The following NWD2 variants were observed in gnomAD, a reference collection of about 807,000 sequenced individuals.
NWD2 encodes the protein NACHT and WD repeat domain containing 2.
In NWD2, 37 loss-of-function variants were observed where a neutral mutation model predicts 132.7. That is an observed-to-expected ratio of 0.28 (90% confidence interval 0.21 to 0.37). NWD2 has a LOEUF of 0.37. Among genes scored for constraint, NWD2 ranks in the 10% least tolerant of loss-of-function variants. The pLI is 1.00. For missense variants in NWD2, 1,592 were observed against 2,122.4 expected, an observed-to-expected ratio of 0.75 and a Z score of 4.91; for synonymous variants, 705 against 803.0, an observed-to-expected ratio of 0.88 and a Z score of 2.06.
intron 1 of NWD2, among the ~76,000 whole-genome samples, chr4:37,288,864 A>G (rs149876211): frequency 1.2e-4 from 19 of 152,312 alleles, no homozygotes; most frequent in African/African-American, 4.6e-4. Flanking sequence ...TTTTAGGAAC[A>G]TAATGGAATG....
chr4:37,399,133 G>A (rs1307469815), intron 3 of NWD2, among the ~76,000 whole-genome samples: 4 of 152,264 alleles, frequency 2.6e-5, no homozygotes, highest in East Asian at 1.9e-4. Context: ...ATTTAGAGAC[G>A]TTGCAGATGA....
At chr4:37,278,701 G>A (rs796728488) in intron 1 of NWD2, among the ~76,000 whole-genome samples, 5 of 152,094 alleles carry the variant, frequency 3.3e-5, no homozygotes, top group African/African-American at 1.2e-4. Context: ...CATTTTCTTG[G>A]GCCATTTATC....
intron 1 of NWD2, among the ~76,000 whole-genome samples, chr4:37,266,628 C>G (rs555977319): frequency 6.6e-6 from 1 of 152,146 alleles, no homozygotes; most frequent in Non-Finnish European, 1.5e-5. Flanking sequence ...GGAAAATAAT[C>G]TTTTAACAGG....
At chr4:37,275,019 C>T (rs954283420) in intron 1 of NWD2, among the ~76,000 whole-genome samples, 1 of 152,120 alleles carries the variant, frequency 6.6e-6, no homozygotes, top group Non-Finnish European at 1.5e-5. Context: ...AAAACTGGCA[C>T]AAGACAGGGA....
chr4:37,280,405 G>A (rs1427814259), intron 1 of NWD2, among the ~76,000 whole-genome samples: 1 of 152,132 alleles, frequency 6.6e-6, no homozygotes, highest in Non-Finnish European at 1.5e-5. Flanking sequence ...GATGACTCAC[G>A]CCCACACTCA....
At chr4:37,274,261 C>G (rs1320724588) in intron 1 of NWD2, among the ~76,000 whole-genome samples, 1 of 152,072 alleles carries the variant, frequency 6.6e-6, no homozygotes, top group Non-Finnish European at 1.5e-5. Context: ...CACCACCGAT[C>G]CCACAGAAAT....
chr4:37,265,789 T>C (rs952333996), intron 1 of NWD2, among the ~76,000 whole-genome samples: 7 of 152,074 alleles, frequency 4.6e-5, no homozygotes, highest in Non-Finnish European at 8.8e-5. Context: ...TAATCCAAAA[T>C]AGTCTCCCCA....
At chr4:37,427,341 A>G (rs1398937800) in intron 3 of NWD2, among the ~76,000 whole-genome samples, 1 of 152,178 alleles carries the variant, frequency 6.6e-6, no homozygotes, top group East Asian at 1.9e-4. Context: ...GATAATCACC[A>G]GGTTGGTTAC....
At chr4:37,288,175 G>T (rs1245681508) in intron 1 of NWD2, among the ~76,000 whole-genome samples, 2 of 152,108 alleles carry the variant, frequency 1.3e-5, no homozygotes, top group East Asian at 3.9e-4. Flanking sequence ...TGAAGGGAGG[G>T]AACTTAGAGG....
chr4:37,265,060 C>T (rs1717720705), intron 1 of NWD2, among the ~76,000 whole-genome samples: 1 of 152,002 alleles, frequency 6.6e-6, no homozygotes, highest in African/African-American at 2.4e-5. Context: ...GTATCTAAAG[C>T]TGAACTCCAG....
chr4:37,264,329 AT>A (rs1383468242), intron 1 of NWD2, among the ~76,000 whole-genome samples: 1 of 152,156 alleles, frequency 6.6e-6, no homozygotes, highest in Non-Finnish European at 1.5e-5. Context: ...TGGATGTGTG[AT>A]TTTGGTAATT....
chr4:37,396,896 G>C (rs933276945), intron 3 of NWD2, among the ~76,000 whole-genome samples: 2 of 152,152 alleles, frequency 1.3e-5, no homozygotes, highest in Non-Finnish European at 2.9e-5. Context: ...AGCCGGGTGT[G>C]GTGGTGGATG....
chr4:37,402,163 G>A (rs182339322), intron 3 of NWD2, among the ~76,000 whole-genome samples: 5 of 152,286 alleles, frequency 3.3e-5, no homozygotes, highest in South Asian at 2.1e-4. Flanking sequence ...ACAGCAAGAA[G>A]GGCCACACCA....
At chr4:37,437,174 T>G (rs1171138922) in intron 5 of NWD2, among the ~76,000 whole-genome samples, 2 of 152,186 alleles carry the variant, frequency 1.3e-5, no homozygotes, top group Non-Finnish European at 2.9e-5. Flanking sequence ...CATGTAATTT[T>G]TTTCAATTTA....
chr4:37,286,851 GA>G (rs528664905), intron 1 of NWD2, among the ~76,000 whole-genome samples: 9 of 149,848 alleles, frequency 6.0e-5, no homozygotes, highest in African/African-American at 2.0e-4. Flanking sequence ...TAATCACATT[GA>G]AAAAAAAAAT....
chr4:37,442,267 T>G (rs1225761898), intron 6 of NWD2, among the ~76,000 whole-genome samples: 1 of 152,234 alleles, frequency 6.6e-6, no homozygotes, highest in Non-Finnish European at 1.5e-5. Flanking sequence ...ATTCCAAGGA[T>G]AACTGAAAGA....
chr4:37,287,855 G>T (rs781301580), intron 1 of NWD2, among the ~76,000 whole-genome samples: 3 of 152,166 alleles, frequency 2.0e-5, no homozygotes, highest in Non-Finnish European at 4.4e-5. Context: ...GAAGATACAT[G>T]CACACATATG....
In NWD2 at chr4:37,444,149, GA is replaced by G; in HGVS notation, c.2164del (p.Arg722AspfsTer3). ...GGAGGGTCTCAGTGGATACCTAATA[GA>G]AAGACATGTGAAAAATGTCACACTC... ...LKEGLSGYLI[E>X]RHVKNVTLLV... On this transcript the variant is annotated frameshift_variant, in exon 7 of 7. Coordinates refer to ENST00000309447, the MANE Select transcript of NWD2 (RefSeq NM_001144990.2). LOFTEE classifies it high-confidence loss of function. This position sits in a 1 kb window ranked among gnomAD's most constrained non-coding sequence, Gnocchi z 4.8. 1 of 1,551,726 alleles carries G rather than the reference GA, an allele frequency of 6.4e-7. No homozygotes were observed. Among genetic ancestry groups the G allele is most frequent in the Non-Finnish European group, 8.7e-7 (1 of 1,147,002 alleles).
intron 2 of NWD2, among the ~76,000 whole-genome samples, chr4:37,333,054 G>A (rs917098021): frequency 2.6e-5 from 4 of 152,086 alleles, no homozygotes; most frequent in African/African-American, 9.7e-5. Flanking sequence ...TGTGGCTTAG[G>A]GATCAGCTCA....
Sources: allele counts gnomAD v4.1 joint callset (sites outside exome capture counted in the v4.1 genomes callset), GRCh38; gene constraint gnomAD v4.1.1; non-coding constraint Gnocchi (gnomAD v3.1); transcripts MANE v1.5; gene names NCBI Gene and HGNC (gene_info 2026-07-23, HGNC 2026-07-21).